Variants in FOXP2 observed in about 807,000 individuals in gnomAD.
FOXP2 encodes forkhead box P2, also known as forkhead box protein P2.
A neutral mutation model predicts 115.8 loss-of-function variants in FOXP2; 12 were observed. The observed-to-expected ratio is 0.10, with a 90% CI of 0.07 to 0.17. The LOEUF is 0.17. FOXP2 is among the 10% of genes least tolerant of loss of function. FOXP2 has a pLI of 1.00. For synonymous variants in FOXP2, 328 were observed against 297.7 expected (o/e 1.10, Z -1.05); for missense variants, 629 against 843.5 (o/e 0.75, Z 3.15).
intron 1 of FOXP2, among the ~76,000 whole-genome samples, chr7:114,143,262 AT>A (rs1258778229): frequency 6.6e-6 from 1 of 151,806 alleles, no homozygotes. Flanking sequence ...GCTTTTTACC[AT>A]TTTGAAATAT....
At chr7:114,663,625 G>A in intron 15 of FOXP2, 106 bp downstream of exon 15, 1 of 884,796 alleles carries the variant, frequency 1.1e-6, no homozygotes, top group Non-Finnish European at 1.8e-6. Context: ...TTAATAGTTG[G>A]TTTATCATCC....
intron 3 of FOXP2, among the ~76,000 whole-genome samples, chr7:114,623,242 T>G (rs1389130620): frequency 6.6e-6 from 1 of 151,968 alleles, no homozygotes; most frequent in Non-Finnish European, 1.5e-5. Context: ...AGGAGCCTAA[T>G]GAACAATGGT....
intron 1 of FOXP2, among the ~76,000 whole-genome samples, chr7:114,134,947 A>C (rs1791998332): frequency 6.6e-6 from 1 of 152,228 alleles, no homozygotes; most frequent in Admixed American, 6.5e-5. Context: ...TATCACAGTT[A>C]ATTATTTCTC....
At chr7:114,129,316 A>C (rs921765198) in intron 1 of FOXP2, among the ~76,000 whole-genome samples, 4 of 152,122 alleles carry the variant, frequency 2.6e-5, no homozygotes, top group African/African-American at 9.7e-5. Flanking sequence ...ACTATCTTGC[A>C]TGTTTGTCTT....
intron 2 of FOXP2, among the ~76,000 whole-genome samples, chr7:114,444,842 G>A (rs772980849): frequency 7.2e-5 from 11 of 152,090 alleles, no homozygotes; most frequent in Admixed American, 2.0e-4. Context: ...AAAGAACAAA[G>A]AATGGGAAAA....
At chr7:114,271,602 AT>A (rs1427656884) in intron 1 of FOXP2, among the ~76,000 whole-genome samples, 6 of 124,260 alleles carry the variant, frequency 4.8e-5, no homozygotes, top group African/African-American at 1.9e-4. Context: ...ATAATATAAT[AT>A]TAATATATAA....
chr7:114,233,857 A>G (rs1794945493), intron 1 of FOXP2, among the ~76,000 whole-genome samples: 1 of 152,180 alleles, frequency 6.6e-6, no homozygotes, highest in Non-Finnish European at 1.5e-5. Context: ...TACTAAAAGT[A>G]CAAAAATTAA....
intron 1 of FOXP2, among the ~76,000 whole-genome samples, chr7:114,149,308 T>C (rs1792467996): frequency 6.6e-6 from 1 of 152,034 alleles, no homozygotes; most frequent in Admixed American, 6.6e-5. Context: ...TGACTTCTTT[T>C]CTCCTTGGAA....
intron 2 of FOXP2, among the ~76,000 whole-genome samples, chr7:114,502,915 G>A (rs575772743): frequency 1.3e-4 from 19 of 151,982 alleles, no homozygotes; most frequent in Non-Finnish European, 2.4e-4. Context: ...ACGCATAATT[G>A]TCTACAGGCA....
chr7:114,626,281 A>G (rs752888145), intron 3 of FOXP2, among the ~76,000 whole-genome samples: 30 of 151,936 alleles, frequency 2.0e-4, no homozygotes, highest in Non-Finnish European at 3.8e-4. Context: ...CACAATAGCA[A>G]CAAACTCTAC....
chr7:114,255,926 C>T (rs1165028108), intron 1 of FOXP2, among the ~76,000 whole-genome samples: 1 of 152,176 alleles, frequency 6.6e-6, no homozygotes, highest in African/African-American at 2.4e-5. Context: ...ATTCGGCCAT[C>T]GTGGAACCGC....
At chr7:114,427,538 A>G (rs2129205565) in intron 2 of FOXP2, among the ~76,000 whole-genome samples, 1 of 151,784 alleles carries the variant, frequency 6.6e-6, no homozygotes, top group Middle Eastern at 3.4e-3. Context: ...ACTTGTTTGA[A>G]AAGTTTATAT....
At chr7:114,234,037 A>T (rs1273589007) in intron 1 of FOXP2, among the ~76,000 whole-genome samples, 2 of 152,120 alleles carry the variant, frequency 1.3e-5, no homozygotes, top group Non-Finnish European at 1.5e-5. Flanking sequence ...AAAACTACAG[A>T]AGAATATTGC....
At chr7:114,443,546 A>G (rs1056232844) in intron 2 of FOXP2, among the ~76,000 whole-genome samples, 1 of 152,076 alleles carries the variant, frequency 6.6e-6, no homozygotes, top group Non-Finnish European at 1.5e-5. Context: ...ATAGTACCCT[A>G]TAGATAGTTT....
intron 1 of FOXP2, among the ~76,000 whole-genome samples, 179 bp downstream of exon 1, chr7:114,415,539 A>T (rs1793301243): frequency 1.3e-5 from 2 of 151,784 alleles, no homozygotes; most frequent in African/African-American, 2.4e-5. Context: ...GAGACCAGAC[A>T]CAGGAACTGT....
chr7:114,331,302 T>G (rs1797707035), intron 2 of FOXP2, among the ~76,000 whole-genome samples: 1 of 152,168 alleles, frequency 6.6e-6, no homozygotes, highest in South Asian at 2.1e-4. Flanking sequence ...TAAAATTCCT[T>G]TATTGGACAA....
At chr7:114,329,255 C>T (rs533625027) in intron 2 of FOXP2, among the ~76,000 whole-genome samples, 3 of 152,178 alleles carry the variant, frequency 2.0e-5, no homozygotes, top group Non-Finnish European at 4.4e-5. Flanking sequence ...TGGTGGTTCA[C>T]GCCTGTAATC....
chr7:114,428,193 A>G (rs960925778), intron 2 of FOXP2, among the ~76,000 whole-genome samples: 1 of 151,624 alleles, frequency 6.6e-6, no homozygotes, highest in Non-Finnish European at 1.5e-5. Context: ...AGCCAAGTAA[A>G]AATAGTAATT....
At chr7:114,498,054 C>T (rs1016620146) in intron 2 of FOXP2, among the ~76,000 whole-genome samples, 5 of 152,082 alleles carry the variant, frequency 3.3e-5, no homozygotes, top group Admixed American at 1.3e-4. Flanking sequence ...TCTATGATAC[C>T]GAAATGTTTT....
Sources: allele counts gnomAD v4.1 joint callset (sites outside exome capture counted in the v4.1 genomes callset), GRCh38; gene constraint gnomAD v4.1.1; transcripts MANE v1.5; gene names NCBI Gene and HGNC (gene_info 2026-07-23, HGNC 2026-07-21).